The following TRAPPC13 variants were observed in gnomAD, a reference collection of about 807,000 sequenced individuals.
TRAPPC13 encodes the protein trafficking protein particle complex subunit 13, also known as REV7-interacting novel NHEJ regulator 1.
Under a neutral mutation model 54.0 loss-of-function variants are expected in TRAPPC13, and 39 were observed. The observed-to-expected ratio is 0.72, with a 90% confidence interval of 0.56 to 0.94. TRAPPC13 has a LOEUF of 0.94. Ranked by LOEUF, TRAPPC13 falls within the 40% of genes least tolerant of loss-of-function variation. The probability of loss-of-function intolerance (pLI) is 0.00; values close to 1 mark genes in which losing one functional copy is unlikely to be tolerated. For missense variants in TRAPPC13, 386 were observed against 488.1 expected (o/e 0.79, Z 1.97); for synonymous variants, 148 against 167.7 (o/e 0.88, Z 0.91).
chr5:65,650,908 G>C (rs762831832), intron 6 of TRAPPC13, 26 bp downstream of exon 6: 4 of 1,497,796 alleles, frequency 2.7e-6, no homozygotes, highest in African/African-American at 1.4e-5. Context: ...ATGGTAAATA[G>C]TTTTTATATG....
chr5:65,629,663 G>A (rs1755439454), intron 1 of TRAPPC13: 10 of 1,535,956 alleles, frequency 6.5e-6, no homozygotes, highest in Non-Finnish European at 7.8e-6. Context: ...TGCAGAAAAA[G>A]CAATTCAAGA....
At chr5:65,641,135 T>C (rs899199913) in intron 4 of TRAPPC13, among the ~76,000 whole-genome samples, 1 of 152,016 alleles carries the variant, frequency 6.6e-6, no homozygotes, top group African/African-American at 2.4e-5. Context: ...GGTCTTGCTA[T>C]GTTGCTCAAG....
chr5:65,628,242 C>G (rs541554942), intron 1 of TRAPPC13, among the ~76,000 whole-genome samples: 98 of 152,272 alleles, frequency 6.4e-4, no homozygotes, highest in African/African-American at 2.3e-3. Context: ...ACTTCTTGTT[C>G]TCTTCCAAAC....
intron 1 of TRAPPC13, 86 bp from the exon 2 acceptor site, chr5:65,635,215 A>G: frequency 8.9e-7 from 1 of 1,125,494 alleles, no homozygotes; most frequent in South Asian, 1.5e-5. Context: ...TTAGTATAAA[A>G]TGGATGAATG....
intron 8 of TRAPPC13, among the ~76,000 whole-genome samples, 165 bp downstream of exon 8, chr5:65,655,818 TA>T (rs767341225): frequency 1.3e-3 from 202 of 152,258 alleles, no homozygotes; most frequent in Non-Finnish European, 2.3e-3. Context: ...ACTTTTTAAT[TA>T]TATCAATTTT....
chr5:65,631,741 G>A (rs1755550713), intron 1 of TRAPPC13, among the ~76,000 whole-genome samples: 1 of 152,024 alleles, frequency 6.6e-6, no homozygotes, highest in African/African-American at 2.4e-5. Flanking sequence ...ATACCAAGTT[G>A]GGATCACTTT....
At chr5:65,639,888 G>A (rs154866) in intron 4 of TRAPPC13, among the ~76,000 whole-genome samples, 101,721 of 152,146 alleles carry the variant, frequency 0.67, 34,701 homozygotes, top group African/African-American at 0.79. Context: ...GTGGGGGAGA[G>A]GTTTTTGTAA....
chr5:65,636,105 C>G, intron 3 of TRAPPC13, 62 bp downstream of exon 3: 3 of 1,044,122 alleles, frequency 2.9e-6, no homozygotes, highest in Non-Finnish European at 4.3e-6. Context: ...GTTTTCAAAA[C>G]AGAACCATGG....
At chr5:65,633,424 G>T (rs1755621476) in intron 1 of TRAPPC13, among the ~76,000 whole-genome samples, 1 of 152,058 alleles carries the variant, frequency 6.6e-6, no homozygotes, top group Admixed American at 6.6e-5. Flanking sequence ...GGGACTACAG[G>T]CGCCCGCCAC....
intron 4 of TRAPPC13, among the ~76,000 whole-genome samples, chr5:65,641,071 T>G (rs753004700): frequency 6.6e-6 from 1 of 152,032 alleles, no homozygotes; most frequent in Non-Finnish European, 1.5e-5. Flanking sequence ...GTAGCTGGGA[T>G]TGCAGGGGTG....
intron 4 of TRAPPC13, among the ~76,000 whole-genome samples, chr5:65,639,416 T>C (rs1755883416): frequency 6.6e-6 from 1 of 151,050 alleles, no homozygotes; most frequent in African/African-American, 2.4e-5. Context: ...TCCCAACACT[T>C]TGGGAGGCTG....
intron 1 of TRAPPC13, chr5:65,630,420 T>C: frequency 7.1e-7 from 1 of 1,404,344 alleles, no homozygotes; most frequent in Non-Finnish European, 9.2e-7. Flanking sequence ...TTTTACAGGT[T>C]TTAAAATTTT....
At chr5:65,637,891 G>A in intron 4 of TRAPPC13, 111 bp downstream of exon 4, 2 of 498,680 alleles carry the variant, frequency 4.0e-6, no homozygotes, top group Non-Finnish European at 7.1e-6. Context: ...GGCTGAAGCA[G>A]GTGGATCACC....
chr5:65,651,857 T>TGTTTG (rs1756464018), intron 6 of TRAPPC13, among the ~76,000 whole-genome samples: 2 of 107,862 alleles, frequency 1.9e-5, no homozygotes, highest in African/African-American at 8.7e-5. Context: ...TTTTTTTTTT[T>TGTTTG]TTTTTTTTTT....
chr5:65,657,307 G>T (rs148561809), intron 8 of TRAPPC13, among the ~76,000 whole-genome samples: 3 of 151,832 alleles, frequency 2.0e-5, no homozygotes, highest in African/African-American at 7.3e-5. Flanking sequence ...CCTTGAACCC[G>T]GGAGGCGGAG....
chr5:65,655,171 G>A (rs150599575), intron 7 of TRAPPC13, among the ~76,000 whole-genome samples: 98 of 152,218 alleles, frequency 6.4e-4, no homozygotes, highest in Admixed American at 2.1e-3. Context: ...AGTGATCAAC[G>A]GAACTCTAAT....
At chr5:65,628,653 G>A (rs1157629111) in intron 1 of TRAPPC13, among the ~76,000 whole-genome samples, 7 of 151,130 alleles carry the variant, frequency 4.6e-5, no homozygotes, top group African/African-American at 1.7e-4. Context: ...TGTATCTTTA[G>A]TAGAGCCGGA....
intron 1 of TRAPPC13, chr5:65,635,024 T>TAAA (rs1755696775): frequency 4.9e-6 from 4 of 810,532 alleles, no homozygotes; most frequent in African/African-American, 1.9e-5. Flanking sequence ...TTAAAAATTA[T>TAAA]ATTTTCCAGT....
intron 4 of TRAPPC13, among the ~76,000 whole-genome samples, chr5:65,645,600 C>A (rs902752821): frequency 1.3e-5 from 2 of 152,032 alleles, no homozygotes; most frequent in African/African-American, 2.4e-5. Context: ...GTCAGGAGAT[C>A]AAGACCATCC....
Sources: gnomAD v4.1 joint callset for allele counts (sites outside exome capture counted in the v4.1 genomes callset) on GRCh38, gnomAD v4.1.1 for gene constraint, MANE v1.5 for transcripts, NCBI Gene and HGNC (gene_info 2026-07-23, HGNC 2026-07-21) for gene names.